Variants in ABHD12 observed in about 807,000 individuals in gnomAD.
The protein encoded by ABHD12 is abhydrolase domain containing 12, lysophospholipase, also known as lysophosphatidylserine lipase ABHD12.
Under a neutral mutation model 58.3 loss-of-function variants are expected in ABHD12, and 43 were observed. The ratio of observed to expected loss-of-function variants is 0.74; its 90% CI spans 0.58 to 0.95. ABHD12 has a LOEUF of 0.95. Ranked by LOEUF, ABHD12 falls within the 40% of genes least tolerant of loss-of-function variation. ABHD12 has a pLI of 0.00. For missense variants in ABHD12, 539 were observed against 537.2 expected, an observed-to-expected ratio of 1.00 and a Z score of -0.03; for synonymous variants, 219 against 211.2, an observed-to-expected ratio of 1.04 and a Z score of -0.32.
intron 1 of ABHD12, among the ~76,000 whole-genome samples, chr20:25,389,614 C>G (rs533383415): frequency 6.6e-6 from 1 of 152,226 alleles, no homozygotes; most frequent in Admixed American, 6.5e-5. Context: ...AAATCTGTCC[C>G]TATGAAACAC....
chr20:25,373,792 C>T (rs114619171), intron 1 of ABHD12, among the ~76,000 whole-genome samples: 1,903 of 152,176 alleles, frequency 0.013, 42 homozygotes, highest in African/African-American at 0.041. Context: ...AGTGGGTTTA[C>T]AGTTTTCACC....
chr20:25,343,416 G>C (rs1215165352), intron 1 of ABHD12, among the ~76,000 whole-genome samples: 1 of 152,196 alleles, frequency 6.6e-6, no homozygotes, highest in Non-Finnish European at 1.5e-5. Flanking sequence ...GCTGAGCCTA[G>C]TGGTATGTGC....
chr20:25,359,697 GT>G (rs539545346), intron 1 of ABHD12, among the ~76,000 whole-genome samples: 10 of 151,962 alleles, frequency 6.6e-5, no homozygotes, highest in Admixed American at 2.0e-4. Context: ...AGCCTCCCAA[GT>G]AGCTGGGACT....
rs1322964629 is a variant in ABHD12 at position 25,300,314 on chromosome 20, C to T, written c.*531G>A. On this transcript the variant is annotated 3_prime_UTR_variant, in exon 13 of 13. Transcript: ENST00000339157. The stretch of plus-strand genomic sequence containing the variant: ...AGGAAGTGCAGATCCCGGGCACTTC[C>T]ACTGTGGGTGAGTGGGCCAGCCCAG... The T allele has an allele frequency of 3.9e-6, 4 of 1,030,798 alleles. No individual in the cohort carries two copies. Among genetic ancestry groups the T allele is most frequent in the Non-Finnish European group, 4.7e-6 (4 of 856,974 alleles). The allele number at this position is 1,030,798 out of a possible 1,614,324, so 63.9% of individuals were successfully genotyped here. A position where few individuals can be genotyped will look rare whatever the true frequency, so the allele number is the denominator to read the frequency against.
At chr20:25,298,033 AACT>A (rs2088577576), downstream of ABHD12, 1 of 39,098 alleles carries the variant, frequency 2.6e-5, no homozygotes, top group Non-Finnish European at 5.5e-5. Flanking sequence ...GTGTTTCACT[AACT>A]AACTAACTAA....
intron 11 of ABHD12, chr20:25,303,170 T>G: frequency 2.8e-6 from 3 of 1,084,394 alleles, no homozygotes; most frequent in Non-Finnish European, 3.5e-6. Context: ...CATCAAGGGG[T>G]TCTTTGCCTT....
At chr20:25,355,381 G>A (rs957331246) in intron 1 of ABHD12, among the ~76,000 whole-genome samples, 14 of 152,160 alleles carry the variant, frequency 9.2e-5, no homozygotes, top group African/African-American at 3.4e-4. Context: ...TGCTTAAGAA[G>A]AAATGCTGTG....
At chr20:25,320,466 G>A (rs1293068231) in intron 3 of ABHD12, 148 bp from the exon 4 acceptor site, 5 of 1,068,320 alleles carry the variant, frequency 4.7e-6, no homozygotes, top group African/African-American at 3.1e-5. Flanking sequence ...GATGGGGGTG[G>A]GTGGTAGAAA....
chr20:25,347,862 A>C (rs1031717154), intron 1 of ABHD12, among the ~76,000 whole-genome samples: 37 of 151,316 alleles, frequency 2.4e-4, no homozygotes, highest in Non-Finnish European at 1.9e-4. Context: ...AAATGTTTTC[A>C]TGTTTTTAAA....
In ABHD12 at chr20:25,308,353, A is replaced by C. The variant is rs930552834; in HGVS notation, c.787+104T>G. ...CAGCCCCGGGCCCCCCAGAATGTGC[A>C]GCTCATGCTGCTCCATGAGGACGCT... On this transcript the variant is annotated intron_variant, in intron 8 of 12. Coordinates refer to ENST00000339157, the MANE Select transcript of ABHD12 (RefSeq NM_001042472.3). The C allele has an allele frequency of 4.9e-5, 70 of 1,432,866 alleles. No homozygotes were observed. The Admixed American group carries it at 9.3e-4, about 19-fold the overall frequency. The allele number at this position is 1,432,866 out of a possible 1,614,324, so 88.8% of individuals were successfully genotyped here.
chr20:25,350,424 A>G (rs905963059), intron 1 of ABHD12, among the ~76,000 whole-genome samples: 4 of 152,176 alleles, frequency 2.6e-5, no homozygotes, highest in Non-Finnish European at 4.4e-5. Context: ...AGTTTCCCCC[A>G]TACTGTTTCT....
chr20:25,304,394 C>T (rs561465192), intron 10 of ABHD12, among the ~76,000 whole-genome samples: 3 of 152,328 alleles, frequency 2.0e-5, no homozygotes, highest in African/African-American at 4.8e-5. Context: ...TCCCAGACCA[C>T]GGCCCACCTG....
At chr20:25,341,766 G>A (rs1016185886) in intron 1 of ABHD12, among the ~76,000 whole-genome samples, 2 of 152,152 alleles carry the variant, frequency 1.3e-5, no homozygotes, top group Non-Finnish European at 2.9e-5. Flanking sequence ...GGTATAATGT[G>A]AGAGGCGGGA....
chr20:25,354,592 C>T (rs2089644035), intron 1 of ABHD12, among the ~76,000 whole-genome samples: 2 of 152,120 alleles, frequency 1.3e-5, no homozygotes, highest in African/African-American at 2.4e-5. Context: ...TGGACACAGC[C>T]CATCTTTCCT....
At chr20:25,344,186 T>A (rs1397172008) in intron 1 of ABHD12, among the ~76,000 whole-genome samples, 2 of 152,184 alleles carry the variant, frequency 1.3e-5, no homozygotes, top group Non-Finnish European at 2.9e-5. Flanking sequence ...GAAGCTTTCC[T>A]GCTAAGATTA....
At chr20:25,296,269 C>A (rs976963158), downstream of ABHD12, 7 of 1,439,740 alleles carry the variant, frequency 4.9e-6, no homozygotes, top group African/African-American at 8.4e-5. Flanking sequence ...CCCCAAGGCT[C>A]GGAGCTCATT....
At chr20:25,340,754 A>G (rs1469393098) in intron 1 of ABHD12, among the ~76,000 whole-genome samples, 1 of 152,264 alleles carries the variant, frequency 6.6e-6, no homozygotes, top group East Asian at 1.9e-4. Flanking sequence ...AAGACTGTAT[A>G]CTATATAATT....
chr20:25,361,405 T>G (rs190053469), intron 1 of ABHD12, among the ~76,000 whole-genome samples: 13 of 140,826 alleles, frequency 9.2e-5, no homozygotes, highest in African/African-American at 2.5e-4. Context: ...GTGTTTTTTG[T>G]TTTTTTTTGA....
At chr20:25,331,712 A>T (rs1232380746) in intron 2 of ABHD12, among the ~76,000 whole-genome samples, 1 of 152,202 alleles carries the variant, frequency 6.6e-6, no homozygotes, top group Admixed American at 6.5e-5. Context: ...ACTAAGCTTC[A>T]TAAGTGAAGG....
Sources: gnomAD v4.1 joint callset for allele counts (sites outside exome capture counted in the v4.1 genomes callset) on GRCh38, gnomAD v4.1.1 for gene constraint, MANE v1.5 for transcripts, NCBI Gene and HGNC (gene_info 2026-07-23, HGNC 2026-07-21) for gene names.